Variants in TAFA1 observed in about 807,000 individuals in gnomAD.
TAFA1 encodes chemokine-like protein TAFA-1.
In TAFA1, 4 loss-of-function variants were observed where a neutral mutation model predicts 18.5. That is an observed-to-expected ratio of 0.22 (90% CI 0.11 to 0.49). The LOEUF is 0.49. TAFA1 is among the 20% of genes least tolerant of loss of function. TAFA1 has a pLI of 0.98. For synonymous variants in TAFA1, 56 were observed against 55.2 expected (o/e 1.01, Z -0.06); for missense variants, 147 against 169.0 (o/e 0.87, Z 0.72).
intron 2 of TAFA1, among the ~76,000 whole-genome samples, chr3:68,362,470 G>A (rs1160171629): frequency 6.6e-6 from 1 of 152,162 alleles, no homozygotes; most frequent in Non-Finnish European, 1.5e-5. Flanking sequence ...AGAGAATCAA[G>A]CTATAATGTT....
At chr3:67,991,801 T>C in the TAFA1 span, among the ~76,000 whole-genome samples, 1 of 152,202 alleles carries the variant, frequency 6.6e-6, no homozygotes, top group Non-Finnish European at 1.5e-5. Flanking sequence ...GCCTCCATAA[T>C]TATGTGAGCC....
chr3:68,391,798 A>G (rs969153109), intron 2 of TAFA1, among the ~76,000 whole-genome samples: 2 of 152,330 alleles, frequency 1.3e-5, no homozygotes, highest in East Asian at 3.9e-4. Context: ...TCCTTTACAG[A>G]CAAGCAAATG....
chr3:68,372,230 G>A (rs1231452014), intron 2 of TAFA1, among the ~76,000 whole-genome samples: 1 of 152,118 alleles, frequency 6.6e-6, no homozygotes, highest in Non-Finnish European at 1.5e-5. Flanking sequence ...ATACAATAAG[G>A]ACAGTGATGA....
intron 2 of TAFA1, among the ~76,000 whole-genome samples, chr3:68,213,245 T>C (rs2066616659): frequency 6.6e-6 from 1 of 152,056 alleles, no homozygotes; most frequent in Non-Finnish European, 1.5e-5. Context: ...GAAGGAAATG[T>C]TGGAAAAATA....
intron 2 of TAFA1, among the ~76,000 whole-genome samples, chr3:68,353,507 C>T (rs997763031): frequency 1.2e-4 from 19 of 152,026 alleles, no homozygotes; most frequent in East Asian, 7.7e-4. Flanking sequence ...TTTAATGGAC[C>T]GGGTGTTTCT....
At chr3:68,494,530 A>T (rs1362504138) in intron 3 of TAFA1, among the ~76,000 whole-genome samples, 5 of 152,174 alleles carry the variant, frequency 3.3e-5, no homozygotes, top group African/African-American at 1.2e-4. Flanking sequence ...TCTAGATCTT[A>T]ATAAGCCTCC....
intron 2 of TAFA1, among the ~76,000 whole-genome samples, chr3:68,171,221 T>C (rs543121956): frequency 1.3e-5 from 2 of 151,902 alleles, no homozygotes; most frequent in Admixed American, 1.3e-4. Flanking sequence ...AGTGATACAA[T>C]GTGAGGAAGA....
chr3:68,091,850 A>G (rs2065033375), intron 2 of TAFA1, among the ~76,000 whole-genome samples: 1 of 152,152 alleles, frequency 6.6e-6, no homozygotes, highest in Non-Finnish European at 1.5e-5. Flanking sequence ...AGACAAAAGC[A>G]TAAACATTTT....
chr3:68,007,007 C>T (rs1215840421), intron 2 of TAFA1, among the ~76,000 whole-genome samples: 1 of 152,136 alleles, frequency 6.6e-6, no homozygotes, highest in South Asian at 2.1e-4. Context: ...TAGAAGTCAT[C>T]TGTTTTTGGA....
intron 2 of TAFA1, among the ~76,000 whole-genome samples, chr3:68,331,862 T>C (rs1486190329): frequency 4.6e-5 from 6 of 129,476 alleles, no homozygotes; most frequent in Non-Finnish European, 8.3e-5. Context: ...TTTTCTTTTT[T>C]TTTTTTTTTT....
intron 2 of TAFA1, among the ~76,000 whole-genome samples, chr3:68,369,784 G>A (rs2069643982): frequency 6.6e-6 from 1 of 152,020 alleles, no homozygotes; most frequent in Non-Finnish European, 1.5e-5. Context: ...CCTGTTTCTA[G>A]AATGGTGTGC....
intron 2 of TAFA1, among the ~76,000 whole-genome samples, chr3:68,194,316 T>G (rs980600479): frequency 5.9e-5 from 9 of 151,720 alleles, no homozygotes; most frequent in African/African-American, 2.2e-4. Flanking sequence ...TCTATCTACC[T>G]TGGTGGCTGA....
chr3:68,519,374 G>A (rs922847116), intron 3 of TAFA1, among the ~76,000 whole-genome samples: 1 of 152,184 alleles, frequency 6.6e-6, no homozygotes, highest in Non-Finnish European at 1.5e-5. Context: ...CTCCAGAATT[G>A]TGAAAAATAA....
chr3:68,487,683 T>TG (rs1426898652), intron 3 of TAFA1, among the ~76,000 whole-genome samples: 1 of 140,854 alleles, frequency 7.1e-6, no homozygotes, highest in African/African-American at 2.7e-5. Context: ...ACCTGGGAGG[T>TG]GGAGCTTGCA....
At chr3:68,008,733 C>T (rs1704413393) in intron 2 of TAFA1, among the ~76,000 whole-genome samples, 1 of 152,124 alleles carries the variant, frequency 6.6e-6, no homozygotes, top group African/African-American at 2.4e-5. Flanking sequence ...TATGTCAATA[C>T]TTGGTCCAAT....
At chr3:68,413,229 A>AT (rs1479118710) in intron 2 of TAFA1, among the ~76,000 whole-genome samples, 2 of 151,682 alleles carry the variant, frequency 1.3e-5, no homozygotes, top group African/African-American at 2.4e-5. Context: ...GGGTTGTTTG[A>AT]TTTTTTTCTT....
intron 2 of TAFA1, among the ~76,000 whole-genome samples, chr3:68,057,864 G>C (rs571094794): frequency 6.6e-6 from 1 of 152,244 alleles, no homozygotes; most frequent in South Asian, 2.1e-4. Context: ...GATGTGGGTG[G>C]CTTCTAGAAG....
chr3:68,258,654 T>A (rs1280320783), intron 2 of TAFA1, among the ~76,000 whole-genome samples: 2 of 152,146 alleles, frequency 1.3e-5, no homozygotes, highest in Non-Finnish European at 2.9e-5. Context: ...CAGCTGTCAA[T>A]GGTGTGGTTT....
intron 2 of TAFA1, among the ~76,000 whole-genome samples, chr3:68,147,017 A>ATGTG (rs202212238): frequency 0.066 from 9,661 of 146,032 alleles, 365 homozygotes; most frequent in Middle Eastern, 0.11. Context: ...GTGTATATAT[A>ATGTG]TATGTGTGTG....
Sources: gnomAD v4.1 joint callset for allele counts (sites outside exome capture counted in the v4.1 genomes callset) on GRCh38, gnomAD v4.1.1 for gene constraint, MANE v1.5 for transcripts, NCBI Gene and HGNC (gene_info 2026-07-23, HGNC 2026-07-21) for gene names.